PHLPP1: variants seen among roughly 807,000 people sequenced by gnomAD.
PHLPP1 encodes the protein PH domain and leucine rich repeat protein phosphatase 1.
Under a neutral mutation model 117.2 loss-of-function variants are expected in PHLPP1, and 42 were observed. That is an observed-to-expected ratio of 0.36 (90% CI 0.28 to 0.46). The LOEUF (loss-of-function observed/expected upper bound fraction) is 0.46. Ranked by LOEUF, PHLPP1 falls within the 20% of genes least tolerant of loss-of-function variation. PHLPP1 has a pLI of 1.00. For synonymous variants in PHLPP1, 1,042 were observed against 970.7 expected (o/e 1.07, Z -1.37); for missense variants, 2,084 against 2,241.9 (o/e 0.93, Z 1.42).
chr18:62,841,331 C>CTTTT (rs1048275193), intron 3 of PHLPP1, among the ~76,000 whole-genome samples: 39 of 128,530 alleles, frequency 3.0e-4, no homozygotes, highest in African/African-American at 6.1e-4. Flanking sequence ...TTCTTTCTCT[C>CTTTT]TTTTTTTTTT....
At chr18:62,894,137 T>TAAG (rs976227338) in intron 4 of PHLPP1, among the ~76,000 whole-genome samples, 1 of 152,186 alleles carries the variant, frequency 6.6e-6, no homozygotes, top group African/African-American at 2.4e-5. Flanking sequence ...TTAAGAGAGC[T>TAAG]AAGAAGAAGG....
chr18:62,889,126 G>A (rs191493501), intron 4 of PHLPP1, among the ~76,000 whole-genome samples: 89 of 152,268 alleles, frequency 5.8e-4, no homozygotes, highest in African/African-American at 2.0e-3. Flanking sequence ...TGGTTGATAC[G>A]TTCAGATCAA....
At chr18:62,878,226 G>C (rs1916094759) in intron 4 of PHLPP1, among the ~76,000 whole-genome samples, 1 of 152,150 alleles carries the variant, frequency 6.6e-6, no homozygotes, top group Non-Finnish European at 1.5e-5. Context: ...AGAGTAAAAG[G>C]ACCAAACTGA....
At chr18:62,958,174 G>A (rs1042237777) in intron 12 of PHLPP1, among the ~76,000 whole-genome samples, 9 of 151,682 alleles carry the variant, frequency 5.9e-5, no homozygotes, top group South Asian at 4.2e-4. Flanking sequence ...CACCCTACTC[G>A]GCCTCCCAAA....
chr18:62,958,360 G>A (rs989114325), intron 12 of PHLPP1, among the ~76,000 whole-genome samples: 2 of 152,186 alleles, frequency 1.3e-5, no homozygotes, highest in African/African-American at 4.8e-5. Flanking sequence ...AATTTTAAAC[G>A]TGGAGATAAA....
chr18:62,778,746 A>G (rs1269571703), intron 1 of PHLPP1, among the ~76,000 whole-genome samples: 1 of 152,266 alleles, frequency 6.6e-6, no homozygotes, highest in Non-Finnish European at 1.5e-5. Flanking sequence ...GGTAGTATAC[A>G]GGCTAAGTAT....
intron 1 of PHLPP1, among the ~76,000 whole-genome samples, chr18:62,825,179 G>T (rs1393597686): frequency 6.6e-6 from 1 of 151,526 alleles, no homozygotes; most frequent in East Asian, 1.9e-4. Flanking sequence ...GGCTGGTCTC[G>T]AGCTCCTGAC....
intron 1 of PHLPP1, among the ~76,000 whole-genome samples, chr18:62,761,798 G>T (rs1242731248): frequency 6.6e-6 from 1 of 151,976 alleles, no homozygotes; most frequent in African/African-American, 2.4e-5. Flanking sequence ...AATAATGACA[G>T]AGTCTCACTA....
rs759804178 is a variant in PHLPP1, at chr18:62,978,652, C to T, written c.4375C>T (p.Arg1459Trp). 1.2e-5 allele frequency: 19 copies of T among 1,613,746 alleles called. No homozygotes were observed. The highest frequency in any genetic ancestry group is 4.5e-5 in the East Asian group (2 of 44,876). ...CTCAGTGAACATGGTGATCAAGGAT[C>T]GGCCCTCAGATGGGCTGGGCGTGCC... The part of the protein sequence containing the change: ...PPSVNMVIKD[R>W]PSDGLGVPSS... The change falls in exon 17 of 17, where the codon CGG becomes TGG. Residue 1459 changes from arginine (R) to tryptophan (W), a missense_variant. By Grantham distance (101) the Arg-to-Trp change is moderately radical. Around this residue, in one of 2 missense-constraint regions of PHLPP1, gnomAD observed 1,365 missense variants for 1,605.9 expected, o/e 0.85. Coordinates refer to ENST00000262719, the MANE Select transcript of PHLPP1 (RefSeq NM_194449.4). This position sits in a 1 kb window ranked among gnomAD's most constrained non-coding sequence, Gnocchi z 7.0.
chr18:62,847,575 T>C (rs1327887821), intron 3 of PHLPP1, among the ~76,000 whole-genome samples: 4 of 152,208 alleles, frequency 2.6e-5, no homozygotes, highest in African/African-American at 9.6e-5. Context: ...TGTAAAATGT[T>C]GTTTTAATAT....
chr18:62,827,377 G>T (rs1386303816), intron 1 of PHLPP1, among the ~76,000 whole-genome samples: 1 of 152,114 alleles, frequency 6.6e-6, no homozygotes, highest in African/African-American at 2.4e-5. Context: ...AGAGAATAGG[G>T]CAACTGGAAT....
intron 4 of PHLPP1, among the ~76,000 whole-genome samples, chr18:62,890,237 T>C (rs186485581): frequency 6.6e-6 from 1 of 152,106 alleles, no homozygotes; most frequent in African/African-American, 2.4e-5. Flanking sequence ...TTTTTTTCTC[T>C]CTTCCATTTT....
chr18:62,749,611 C>T (rs1911782870), intron 1 of PHLPP1, among the ~76,000 whole-genome samples: 1 of 152,188 alleles, frequency 6.6e-6, no homozygotes, highest in Admixed American at 6.5e-5. Context: ...TTGGTTTCTC[C>T]TGAGGCCTAT....
intron 1 of PHLPP1, among the ~76,000 whole-genome samples, chr18:62,777,120 GC>G (rs954859928): frequency 6.6e-6 from 1 of 152,214 alleles, no homozygotes; most frequent in African/African-American, 2.4e-5. Flanking sequence ...AAAGGAAACT[GC>G]CAAACCATTT....
intron 1 of PHLPP1, among the ~76,000 whole-genome samples, chr18:62,822,603 G>T (rs1430783425): frequency 6.6e-6 from 1 of 151,960 alleles, no homozygotes; most frequent in Non-Finnish European, 1.5e-5. Context: ...GTTTTAAATG[G>T]CACAAATTTG....
At chr18:62,883,732 C>A (rs1916220192) in intron 4 of PHLPP1, among the ~76,000 whole-genome samples, 1 of 152,084 alleles carries the variant, frequency 6.6e-6, no homozygotes, top group African/African-American at 2.4e-5. Flanking sequence ...ATTGTGTTTT[C>A]AGATTAAATG....
intron 1 of PHLPP1, among the ~76,000 whole-genome samples, chr18:62,779,166 C>G (rs1249290012): frequency 6.6e-6 from 1 of 152,196 alleles, no homozygotes; most frequent in Non-Finnish European, 1.5e-5. Flanking sequence ...CTTGCTTCCG[C>G]TACTCTGCCT....
At chr18:62,719,062 G>A (rs1313119724) in intron 1 of PHLPP1, among the ~76,000 whole-genome samples, 3 of 152,032 alleles carry the variant, frequency 2.0e-5, no homozygotes, top group Non-Finnish European at 4.4e-5. Context: ...TAATCTTTTT[G>A]TTTTGTTCTT....
chr18:62,941,772 G>A lies in PHLPP1; in HGVS notation c.3015G>A (p.Thr1005=), dbSNP rs1164281238. 10 of 1,613,818 alleles carry A rather than the reference G, an allele frequency of 6.2e-6. No homozygotes were observed. Among genetic ancestry groups the A allele is most frequent in the Middle Eastern group, 1.6e-4 (1 of 6,062 alleles). ...AACTGGAAAGCCTTCCTCCAGCCAC[G>A]CTTTCCGAAGAGACAAACAGTATCT... ...ANKLESLPPA[T]LSEETNSILQ... The change falls in exon 11 of 17, where the codon ACG becomes ACA. Residue 1005 remains threonine (T), a synonymous_variant. Transcript: ENST00000262719.
Sources: allele counts gnomAD v4.1 joint callset (sites outside exome capture counted in the v4.1 genomes callset), GRCh38; gene constraint gnomAD v4.1.1; regional missense constraint gnomAD v4.1.1; non-coding constraint Gnocchi (gnomAD v3.1); transcripts MANE v1.5; gene names NCBI Gene and HGNC (gene_info 2026-07-23, HGNC 2026-07-21).